MYH3: variants seen among roughly 807,000 people sequenced by gnomAD.
MYH3 encodes myosin heavy chain 3.
A neutral mutation model predicts 238.0 loss-of-function variants in MYH3; 130 were observed. The ratio of observed to expected loss-of-function variants is 0.55; its 90% CI spans 0.47 to 0.63. The LOEUF (loss-of-function observed/expected upper bound fraction) is 0.63, where lower values mean the gene tolerates loss of function less well. Ranked by LOEUF, MYH3 falls within the 30% of genes least tolerant of loss-of-function variation. MYH3 has a pLI of 0.00. For synonymous variants in MYH3, 880 were observed against 924.1 expected (o/e 0.95, Z 0.86); for missense variants, 1,853 against 2,374.9 (o/e 0.78, Z 4.57).
chr17:10,642,687 T>A lies in MYH3; in HGVS notation c.1618A>T (p.Met540Leu), dbSNP rs763265492. 6.2e-7 allele frequency: 1 copy of A among 1,614,208 alleles called. No individual in the cohort carries two copies. Among genetic ancestry groups the A allele is most frequent in the Non-Finnish European group, 8.5e-7 (1 of 1,180,044 alleles). ...GAGGTGTCTGTTGCCTTGGGGAACA[T>A]GCACTCCTCTTCCAGGATGGAGAAG... The part of the protein sequence containing the change: ...GIFSILEEEC[M>L]FPKATDTSFK... Residue 540 changes from methionine to leucine, a missense_variant, in exon 16 of 41, where the codon ATG becomes TTG. Around this residue, in one of 3 missense-constraint regions of MYH3, gnomAD observed 678 missense variants for 1,058.9 expected, o/e 0.64. Coordinates refer to ENST00000583535, the MANE Select transcript of MYH3 (RefSeq NM_002470.4). The surrounding 1 kb of genome is among the most constrained non-coding windows in gnomAD (Gnocchi z 5.4).
At chr17:10,664,773 G>A in the MYH3 span, among the ~76,000 whole-genome samples, 1 of 152,176 alleles carries the variant, frequency 6.6e-6, no homozygotes, top group African/African-American at 2.4e-5. Flanking sequence ...CCTTGTGGTA[G>A]GGAGCTCAGA....
the MYH3 span, among the ~76,000 whole-genome samples, chr17:10,664,245 G>T: frequency 6.6e-6 from 1 of 152,020 alleles, no homozygotes; most frequent in Non-Finnish European, 1.5e-5. Context: ...AAGATATTGT[G>T]AGCATTGGTT....
chr17:10,636,288 CAAAA>C (rs397786526), intron 28 of MYH3, among the ~76,000 whole-genome samples: 3 of 81,020 alleles, frequency 3.7e-5, no homozygotes, highest in Non-Finnish European at 6.7e-5. Flanking sequence ...GCCTCAATCT[CAAAA>C]AAAAAAAAAA....
chr17:10,642,240 C>T lies in MYH3; in HGVS notation c.1959G>A (p.Arg653=). ...SSFQTVSALF[R]ENLNKLMSNL... is the part of the protein sequence containing the mutation. The stretch of plus-strand genomic sequence containing the variant: ...GCAAATAAACTTGTATTTTTCTTAC[C>T]CTGAAAAGGGCAGAGACAGTTTGGA... The change falls in exon 17 of 41, where the codon AGG becomes AGA. Residue 653 remains arginine (R), a splice_region_variant and synonymous_variant. Coordinates refer to ENST00000583535, the MANE Select transcript of MYH3 (RefSeq NM_002470.4). This position sits in a 1 kb window ranked among gnomAD's most constrained non-coding sequence, Gnocchi z 5.4. 1.2e-6 allele frequency: 2 copies of T among 1,613,304 alleles called. No individual in the cohort carries two copies. Among genetic ancestry groups the T allele is most frequent in the South Asian group, 1.1e-5 (1 of 90,952 alleles).
intron 3 of MYH3, among the ~76,000 whole-genome samples, chr17:10,653,597 C>T (rs1828015912): frequency 6.6e-6 from 1 of 152,166 alleles, no homozygotes; most frequent in Admixed American, 6.5e-5. Flanking sequence ...CCCACACCCT[C>T]GGGAAGCTGG....
At chr17:10,643,031 A>C in intron 14 of MYH3, 35 bp from the exon 15 acceptor site, 2 of 1,614,132 alleles carry the variant, frequency 1.2e-6, no homozygotes, top group East Asian at 2.2e-5. Flanking sequence ...GTGAAAAGTT[A>C]GACTTCTTTC....
In MYH3 at chr17:10,650,520, T is replaced by C. The variant is rs1184896623; in HGVS notation, c.506-119A>G. On this transcript the variant is annotated intron_variant, in intron 5 of 40. Coordinates refer to ENST00000583535, the MANE Select transcript of MYH3 (RefSeq NM_002470.4). ...AATTCCTCTTCCTTTACATTTTTTG[T>C]TTAGCCTTTAGGTGGGAATCTGAAG... 3 of 917,330 alleles carry C rather than the reference T, an allele frequency of 3.3e-6. No homozygotes were observed. In the African/African-American group the frequency reaches 5.0e-5, roughly 15 times the overall value. 56.8% of individuals were successfully genotyped at this position (917,330 alleles called of 1,614,324 possible).
At position 10,642,702 on chromosome 17, in the gene MYH3, G is replaced by A; in HGVS notation, c.1603C>T (p.Leu535=). 6.2e-7 allele frequency: 1 copy of A among 1,614,230 alleles called. No individual in the cohort carries two copies. Among genetic ancestry groups the A allele is most frequent in the Non-Finnish European group, 8.5e-7 (1 of 1,180,052 alleles). ...IEKPMGIFSI[L]EEECMFPKAT... is the part of the protein sequence containing the mutation. ...TTGGGGAACATGCACTCCTCTTCCA[G>A]GATGGAGAAGATGCCCATAGGCTGG... The change falls in exon 16 of 41, where the codon CTG becomes TTG. Residue 535 remains leucine (L), a synonymous_variant. Transcript: ENST00000583535. This position sits in a 1 kb window ranked among gnomAD's most constrained non-coding sequence, Gnocchi z 5.4.
Position 10,640,451 on chromosome 17 carries a change from A to G in MYH3, c.2308T>C (p.Leu770=), listed in dbSNP as rs764268353. 1.2e-6 allele frequency: 2 copies of G among 1,614,126 alleles called. No individual in the cohort carries two copies. The highest frequency in any genetic ancestry group is 2.7e-5 in the African/African-American group (2 of 74,940). The change falls in exon 21 of 41, where the codon TTG becomes CTG. Residue 770 remains leucine, a synonymous_variant. Transcript: ENST00000583535. ...CGCATCTCTTCCAGGGTTCCCAGCA[A>G]GCCAGCCTTGAAGAACACCTTATGG... The part of the protein sequence containing the change: ...GHTKVFFKAG[L]LGTLEEMRDD...
rs1403466292 is a variant in MYH3, at chr17:10,630,387, GTTC to G, written c.5355_5357del (p.Lys1785del). 5.0e-6 allele frequency: 8 copies of G among 1,614,154 alleles called. No individual in the cohort carries two copies. The highest frequency in any genetic ancestry group is 1.1e-5 in the South Asian group (1 of 91,078). ...GCAGGTCCTTCACCGTCTGTTCCAG[GTTC>G]TTCTTCATCCGCTCAAGGTGGGCGC... is the stretch of plus-strand genomic sequence containing the variant. On this transcript the variant is annotated inframe_deletion, in exon 37 of 41. Transcript: ENST00000583535.
At chr17:10,657,129 C>G (rs1245361502) in intron 1 of MYH3, among the ~76,000 whole-genome samples, 160 bp downstream of exon 1, 1 of 151,134 alleles carries the variant, frequency 6.6e-6, no homozygotes. Flanking sequence ...GGGAACCTCG[C>G]TCTCTACACC....
chr17:10,639,442 T>C lies in MYH3; in HGVS notation c.2958A>G (p.Leu986=). 6.2e-7 allele frequency: 1 copy of C among 1,614,144 alleles called. No homozygotes were observed. The highest frequency in any genetic ancestry group is 8.5e-7 in the Non-Finnish European group (1 of 1,179,990). The change falls in exon 24 of 41, where the codon TTA becomes TTG. Residue 986 remains leucine, a synonymous_variant. Transcript: ENST00000583535. ...TGGTTAACTTTGCAATTGTTTCATCTAACCCAGAGAGTTCCTCAGTAAGGT... is the reference window on the plus strand; with the variant it reads ...TGGTTAACTTTGCAATTGTTTCATCCAACCCAGAGAGTTCCTCAGTAAGGT... ...VKNLTEELSG[L]DETIAKLTRE...
chr17:10,654,137 TTCTTTCTTTCTTTC>T lies in MYH3; in HGVS notation c.204+710_204+723del, dbSNP rs1410573239. Among the ~76,000 whole-genome samples, 2 of 142,230 alleles carry T rather than the reference TTCTTTCTTTCTTTC, an allele frequency of 1.4e-5. No homozygotes were observed. The highest frequency in any genetic ancestry group is 2.6e-5 in the African/African-American group (1 of 37,986). 93.3% of individuals were successfully genotyped at this position (142,230 alleles called of 152,430 possible). The stretch of plus-strand genomic sequence containing the variant: ...ATTTCCTTTACTTGTCTCTTTTATT[TTCTTTCTTTCTTTC>T]TCTTTCTTTCTTTCCTTCCTTCCTT... On this transcript the variant is annotated intron_variant, in intron 3 of 40. Coordinates refer to ENST00000583535, the MANE Select transcript of MYH3 (RefSeq NM_002470.4). This position sits in a 1 kb window ranked among gnomAD's most constrained non-coding sequence, Gnocchi z 4.5.
At chr17:10,645,228 A>G (rs2074308914) in intron 12 of MYH3, among the ~76,000 whole-genome samples, 1 of 151,962 alleles carries the variant, frequency 6.6e-6, no homozygotes, top group South Asian at 2.1e-4. Flanking sequence ...TGAGGTCAGG[A>G]GTTTGAGCCT....
At chr17:10,648,312 G>A (rs868774643) in intron 8 of MYH3, among the ~76,000 whole-genome samples, 17 of 152,140 alleles carry the variant, frequency 1.1e-4, no homozygotes, top group South Asian at 2.1e-4. Flanking sequence ...CTCAGCTCCC[G>A]TGCCAGCCCC....
At chr17:10,672,763 C>T in the MYH3 span, 1 of 152,074 alleles carries the variant, frequency 6.6e-6, no homozygotes, top group Non-Finnish European at 1.5e-5. Flanking sequence ...TCATTTTTTC[C>T]AAAATTTTAT....
upstream of MYH3, among the ~76,000 whole-genome samples, chr17:10,661,467 G>C (rs564447590): frequency 6.6e-6 from 1 of 152,156 alleles, no homozygotes; most frequent in South Asian, 2.1e-4. Flanking sequence ...TGGCTTTTGG[G>C]AACAGAAGGA....
chr17:10,667,822 G>C, the MYH3 span, among the ~76,000 whole-genome samples: 1 of 151,854 alleles, frequency 6.6e-6, no homozygotes, highest in Non-Finnish European at 1.5e-5. Context: ...GGATAAATCA[G>C]ACACTATTGA....
At chr17:10,638,521 GACAA>G in intron 26 of MYH3, 89 bp from the exon 27 acceptor site, 1 of 1,539,060 alleles carries the variant, frequency 6.5e-7, no homozygotes, top group East Asian at 2.3e-5. Context: ...CTTCCCATTA[GACAA>G]ACTGAGTCTT....
Sources: allele counts gnomAD v4.1 joint callset (sites outside exome capture counted in the v4.1 genomes callset), GRCh38; gene constraint gnomAD v4.1.1; regional missense constraint gnomAD v4.1.1; non-coding constraint Gnocchi (gnomAD v3.1); transcripts MANE v1.5; gene names NCBI Gene and HGNC (gene_info 2026-07-23, HGNC 2026-07-21).